KCNH8: variants seen among roughly 807,000 people sequenced by gnomAD.
KCNH8 encodes voltage-gated delayed rectifier potassium channel KCNH8.
Under a neutral mutation model 103.6 loss-of-function variants are expected in KCNH8, and 70 were observed. The observed-to-expected ratio is 0.68, with a 90% CI of 0.56 to 0.82. The LOEUF is 0.82. Ranked by LOEUF, KCNH8 falls within the 40% of genes least tolerant of loss-of-function variation. The pLI is 0.00. For missense variants in KCNH8, 1,217 were observed against 1,329.9 expected, an observed-to-expected ratio of 0.92 and a Z score of 1.32; for synonymous variants, 498 against 489.4, an observed-to-expected ratio of 1.02 and a Z score of -0.23.
chr3:19,398,050 A>C (rs2066550548), intron 7 of KCNH8, among the ~76,000 whole-genome samples: 1 of 151,986 alleles, frequency 6.6e-6, no homozygotes, highest in African/African-American at 2.4e-5. Context: ...TTGATGAGAG[A>C]GCATGTTGTT....
intron 5 of KCNH8, among the ~76,000 whole-genome samples, chr3:19,351,225 T>C (rs2065797414): frequency 6.6e-6 from 1 of 151,956 alleles, no homozygotes; most frequent in South Asian, 2.1e-4. Flanking sequence ...CCAAGAAACA[T>C]GGGACTATGT....
intron 5 of KCNH8, among the ~76,000 whole-genome samples, chr3:19,350,930 C>T (rs1274906668): frequency 6.6e-6 from 1 of 151,672 alleles, no homozygotes; most frequent in Non-Finnish European, 1.5e-5. Flanking sequence ...TAATAACAAA[C>T]ATCTCCAAGC....
intron 11 of KCNH8, among the ~76,000 whole-genome samples, chr3:19,499,461 G>C (rs1035559626): frequency 4.6e-5 from 7 of 152,160 alleles, no homozygotes; most frequent in Non-Finnish European, 7.3e-5. Context: ...TACTCCTTGA[G>C]AAGAGCAACT....
intron 3 of KCNH8, among the ~76,000 whole-genome samples, chr3:19,319,029 G>A (rs987905358): frequency 8.6e-5 from 13 of 151,126 alleles, no homozygotes; most frequent in African/African-American, 2.9e-4. Context: ...TTATTTTGCT[G>A]ATTTATTTGA....
intron 3 of KCNH8, among the ~76,000 whole-genome samples, chr3:19,301,894 G>T (rs1329773483): frequency 6.6e-6 from 1 of 152,152 alleles, no homozygotes; most frequent in Admixed American, 6.5e-5. Context: ...TTATTACAAA[G>T]ATATTTTAAA....
In KCNH8 at chr3:19,535,531, A is replaced by C. The variant is rs1039402745; in HGVS notation, c.*1432A>C. On this transcript the variant is annotated 3_prime_UTR_variant, in exon 16 of 16. Coordinates refer to ENST00000328405, the MANE Select transcript of KCNH8 (RefSeq NM_144633.3). ...TTATGTTTTAGAACAGTTACAGTCT[A>C]ATTGTCTTGGACATTTTGGGAAGAT... 6.6e-6 allele frequency: 1 copy of C among 152,192 alleles called. No individual in the cohort carries two copies. The highest frequency in any genetic ancestry group is 1.5e-5 in the Non-Finnish European group (1 of 68,032). 9.4% of individuals were successfully genotyped at this position (152,192 alleles called of 1,614,324 possible).
At chr3:19,437,521 A>T (rs2067217555) in intron 7 of KCNH8, among the ~76,000 whole-genome samples, 1 of 152,214 alleles carries the variant, frequency 6.6e-6, no homozygotes, top group African/African-American at 2.4e-5. Context: ...CAATTCTAAT[A>T]GATTACAAGT....
chr3:19,512,247 ACT>A (rs2125242077), intron 12 of KCNH8, among the ~76,000 whole-genome samples: 1 of 151,802 alleles, frequency 6.6e-6, no homozygotes, highest in East Asian at 1.9e-4. Flanking sequence ...CTTTTCCCAC[ACT>A]CTTTCTTTCC....
rs377732971 is a variant in KCNH8 at position 19,451,433 on chromosome 3, A to C, written c.1825+29A>C. The C allele has an allele frequency of 2.9e-5, 47 of 1,604,910 alleles. No homozygotes were observed. The African/African-American group carries it at 6.2e-4, about 21-fold the overall frequency. ...GGTCTGAATTGAAAAACTTGTATGA[A>C]ATTTGACTCTGGAGCATAAATTAAG... On this transcript the variant is annotated intron_variant, in intron 10 of 15. Coordinates refer to ENST00000328405, the MANE Select transcript of KCNH8 (RefSeq NM_144633.3).
intron 10 of KCNH8, among the ~76,000 whole-genome samples, chr3:19,452,113 G>A (rs931515731): frequency 6.6e-5 from 10 of 152,222 alleles, no homozygotes; most frequent in African/African-American, 1.7e-4. Flanking sequence ...GGCTGGGCAC[G>A]GTGGCTCATG....
chr3:19,271,339 TG>T (rs1438832844), intron 2 of KCNH8, among the ~76,000 whole-genome samples: 3 of 152,138 alleles, frequency 2.0e-5, no homozygotes, highest in Non-Finnish European at 4.4e-5. Flanking sequence ...TCGAGCAATC[TG>T]AAATGCCTTT....
At chr3:19,457,604 A>G (rs1276560975) in intron 11 of KCNH8, among the ~76,000 whole-genome samples, 2 of 152,050 alleles carry the variant, frequency 1.3e-5, no homozygotes, top group Non-Finnish European at 2.9e-5. Flanking sequence ...ACATGACTTC[A>G]TTAGATGTCT....
rs372487411 is a variant in KCNH8 at position 19,438,156 on chromosome 3, C to T, written c.1178-8C>T. 10 of 1,612,024 alleles carry T rather than the reference C, an allele frequency of 6.2e-6. No homozygotes were observed. The African/African-American group carries it at 1.3e-4, about 22-fold the overall frequency. ...CTTCTCTCATTTGCTTTATTTCCTC[C>T]TTTGCAGGTTGGCTTCATGAGTTGG... is the stretch of plus-strand genomic sequence containing the variant. On this transcript the variant is annotated splice_region_variant and splice_polypyrimidine_tract_variant and intron_variant, in intron 7 of 15. Coordinates refer to ENST00000328405, the MANE Select transcript of KCNH8 (RefSeq NM_144633.3).
chr3:19,188,452 CA>C (rs1206601334), intron 1 of KCNH8, among the ~76,000 whole-genome samples: 1 of 151,918 alleles, frequency 6.6e-6, no homozygotes, highest in African/African-American at 2.4e-5. Flanking sequence ...GGTTAGTTTC[CA>C]ATACAACTTT....
intron 1 of KCNH8, among the ~76,000 whole-genome samples, chr3:19,224,020 A>G (rs7355898): frequency 1.3e-5 from 2 of 152,166 alleles, no homozygotes; most frequent in Non-Finnish European, 2.9e-5. Flanking sequence ...ATCTATAGTG[A>G]CACATCTTAT....
Position 19,387,944 on chromosome 3 carries a change from T to C in KCNH8, c.812-2537T>C, listed in dbSNP as rs956375648. On this transcript the variant is annotated intron_variant, in intron 5 of 15. Transcript: ENST00000328405. ...CCAAGAAAATACCTGTTGTTTTTTT[T>C]TTTCAGAAGTCTGAACCACTATTTT... Among the ~76,000 whole-genome samples the C allele has an allele frequency of 2.6e-5, 4 of 152,210 alleles. No individual in the cohort carries two copies. The East Asian group carries it at 7.7e-4, about 29-fold the overall frequency.
At chr3:19,268,022 G>T (rs1392251244) in intron 2 of KCNH8, among the ~76,000 whole-genome samples, 1 of 152,124 alleles carries the variant, frequency 6.6e-6, no homozygotes, top group Non-Finnish European at 1.5e-5. Context: ...TACAAAGTTT[G>T]AATTCATCTT....
chr3:19,218,101 A>G (rs2063835099), intron 1 of KCNH8, among the ~76,000 whole-genome samples: 3 of 152,202 alleles, frequency 2.0e-5, no homozygotes, highest in Admixed American at 2.0e-4. Flanking sequence ...TAGTAATTCA[A>G]AGTAATTCTA....
intron 11 of KCNH8, among the ~76,000 whole-genome samples, chr3:19,467,300 G>GACACACACAC (rs138481664): frequency 4.6e-4 from 68 of 148,628 alleles, no homozygotes; most frequent in South Asian, 8.5e-4. Flanking sequence ...TGTATAAGTA[G>GACACACACAC]ACACACACAC....
Sources: allele counts gnomAD v4.1 joint callset (sites outside exome capture counted in the v4.1 genomes callset), GRCh38; gene constraint gnomAD v4.1.1; transcripts MANE v1.5; gene names NCBI Gene and HGNC (gene_info 2026-07-23, HGNC 2026-07-21).